TAOK3: variants seen among roughly 807,000 people sequenced by gnomAD.
TAOK3 encodes serine/threonine-protein kinase TAO3.
Under a neutral mutation model 120.4 loss-of-function variants are expected in TAOK3, and 40 were observed. That is an observed-to-expected ratio of 0.33 (90% CI 0.26 to 0.43). The LOEUF is 0.43. Among genes scored for constraint, TAOK3 ranks in the 20% least tolerant of loss-of-function variants. The pLI, the probability that TAOK3 is intolerant of heterozygous loss-of-function variation, is 1.00. For synonymous variants in TAOK3, 355 were observed against 387.5 expected, an observed-to-expected ratio of 0.92 and a Z score of 0.99; for missense variants, 821 against 1,112.1, an observed-to-expected ratio of 0.74 and a Z score of 3.72.
intron 15 of TAOK3, among the ~76,000 whole-genome samples, chr12:118,181,092 G>A (rs1315119171): frequency 2.0e-5 from 3 of 151,854 alleles, no homozygotes; most frequent in Admixed American, 2.0e-4. Context: ...TGATCTGCCT[G>A]CCTCGGCCTC....
intron 11 of TAOK3, among the ~76,000 whole-genome samples, chr12:118,210,369 T>C (rs748728949): frequency 1.3e-5 from 2 of 152,222 alleles, no homozygotes; most frequent in Non-Finnish European, 2.9e-5. Flanking sequence ...TCCTGGCTTA[T>C]ATTTTATTTC....
intron 1 of TAOK3, among the ~76,000 whole-genome samples, chr12:118,351,472 A>G (rs2045151203): frequency 6.6e-6 from 1 of 152,250 alleles, no homozygotes; most frequent in African/African-American, 2.4e-5. Flanking sequence ...CTGCATCTAT[A>G]GCCAAGCATC....
chr12:118,228,768 C>T (rs933926278), intron 9 of TAOK3, among the ~76,000 whole-genome samples: 2 of 152,136 alleles, frequency 1.3e-5, no homozygotes, highest in Middle Eastern at 3.2e-3. Flanking sequence ...GGCAGCTTCT[C>T]CAAATTTATT....
chr12:118,356,378 C>G (rs1335653863), intron 1 of TAOK3, among the ~76,000 whole-genome samples: 5 of 148,328 alleles, frequency 3.4e-5, no homozygotes, highest in African/African-American at 1.3e-4. Context: ...CAGCTCACCG[C>G]AACCTCCGCC....
chr12:118,315,164 A>G (rs943067576), intron 1 of TAOK3, among the ~76,000 whole-genome samples: 1 of 152,178 alleles, frequency 6.6e-6, no homozygotes, highest in African/African-American at 2.4e-5. Context: ...ACCTCAAGTG[A>G]TCTGCCCGCC....
At position 118,189,841 on chromosome 12, in the gene TAOK3, C is replaced by T; in HGVS notation, c.1295G>A (p.Arg432Lys). The change falls in exon 14 of 21, where the codon AGA becomes AAA. Residue 432 changes from arginine (R) to lysine (K), a missense_variant. Physicochemically the swap from Arg to Lys is conservative, Grantham distance 26. Transcript: ENST00000392533. The stretch of plus-strand genomic sequence containing the variant: ...TGATTTGATCGTGGCAAAGCGCTCT[C>T]TGTTCCGGTAGTGGAGGGCCTGGCT... ...VQSQALHYRN[R>K]ERFATIKSAS... The T allele has an allele frequency of 6.2e-7, 1 of 1,614,228 alleles. No homozygotes were observed. The highest frequency in any genetic ancestry group is 8.5e-7 in the Non-Finnish European group (1 of 1,180,046).
intron 1 of TAOK3, among the ~76,000 whole-genome samples, chr12:118,284,391 G>C (rs1212519199): frequency 1.3e-5 from 2 of 152,118 alleles, no homozygotes; most frequent in African/African-American, 2.4e-5. Context: ...TGGAGGTCAA[G>C]AGAAACACGG....
chr12:118,174,625 G>A (rs142683366), intron 16 of TAOK3, among the ~76,000 whole-genome samples: 59 of 152,150 alleles, frequency 3.9e-4, no homozygotes, highest in South Asian at 1.2e-3. Context: ...ATGAGTGGAC[G>A]CGTGGAGTTA....
At chr12:118,195,137 G>A (rs892238532) in intron 13 of TAOK3, among the ~76,000 whole-genome samples, 1 of 151,914 alleles carries the variant, frequency 6.6e-6, no homozygotes, top group Admixed American at 6.5e-5. Context: ...AGAAAAAAAT[G>A]TTCTCTAAAT....
chr12:118,311,425 C>T (rs927741698), intron 1 of TAOK3, among the ~76,000 whole-genome samples: 4 of 152,016 alleles, frequency 2.6e-5, no homozygotes, highest in African/African-American at 9.7e-5. Context: ...TGTGCCATTG[C>T]ACTCCAGCCT....
intron 1 of TAOK3, among the ~76,000 whole-genome samples, chr12:118,351,017 A>G (rs1003414777): frequency 7.9e-5 from 12 of 151,698 alleles, no homozygotes; most frequent in South Asian, 4.2e-4. Context: ...CATCTCTACA[A>G]AAAATACAAA....
intron 14 of TAOK3, among the ~76,000 whole-genome samples, chr12:118,182,621 A>ATTTTTTTT (rs1255090106): frequency 2.0e-5 from 2 of 99,010 alleles, no homozygotes; most frequent in Non-Finnish European, 3.7e-5. Context: ...ATATATATAT[A>ATTTTTTTT]TATTTTTTTT....
chr12:118,201,025 G>A (rs1051163489), intron 12 of TAOK3: 1 of 287,118 alleles, frequency 3.5e-6, no homozygotes, highest in Non-Finnish European at 6.6e-6. Context: ...CCCACATCAT[G>A]TCCTCCAGGA....
At chr12:118,218,953 A>G (rs997392581) in intron 9 of TAOK3, among the ~76,000 whole-genome samples, 1 of 152,158 alleles carries the variant, frequency 6.6e-6, no homozygotes, top group Non-Finnish European at 1.5e-5. Context: ...ACCTTGTCTC[A>G]TAAATAAATA....
intron 1 of TAOK3, among the ~76,000 whole-genome samples, chr12:118,353,793 G>C (rs2045279431): frequency 2.0e-5 from 3 of 152,104 alleles, no homozygotes; most frequent in Non-Finnish European, 4.4e-5. Context: ...CTGGCTAGGA[G>C]ACAAAGGGGT....
intron 17 of TAOK3, 93 bp downstream of exon 17, chr12:118,172,364 G>T: frequency 7.4e-7 from 1 of 1,351,120 alleles, no homozygotes; most frequent in Non-Finnish European, 1.1e-6. Flanking sequence ...AAAGGCTAGG[G>T]ATATAGGAAT....
At chr12:118,265,894 G>A (rs1055370431) in intron 2 of TAOK3, among the ~76,000 whole-genome samples, 7 of 152,096 alleles carry the variant, frequency 4.6e-5, no homozygotes, top group Non-Finnish European at 8.8e-5. Context: ...GAAATTTTGG[G>A]TAATTTTTTA....
At chr12:118,286,318 C>A (rs566523467) in intron 1 of TAOK3, among the ~76,000 whole-genome samples, 2 of 152,188 alleles carry the variant, frequency 1.3e-5, no homozygotes, top group Non-Finnish European at 2.9e-5. Context: ...TCTTCACAAT[C>A]TATACATCTG....
intron 9 of TAOK3, 37 bp downstream of exon 9, chr12:118,233,637 T>TA: frequency 1.4e-6 from 2 of 1,466,004 alleles, no homozygotes; most frequent in South Asian, 1.2e-5. Flanking sequence ...AATAGAATTT[T>TA]AAAAAATACA....
Sources: gnomAD v4.1 joint callset for allele counts (sites outside exome capture counted in the v4.1 genomes callset) on GRCh38, gnomAD v4.1.1 for gene constraint, MANE v1.5 for transcripts, NCBI Gene and HGNC (gene_info 2026-07-23, HGNC 2026-07-21) for gene names.